ATXN1: variants seen among roughly 807,000 people sequenced by gnomAD.
ATXN1 encodes ataxin 1.
ATXN1 carries 8 observed loss-of-function variants against 56.4 expected under a neutral mutation model. The observed-to-expected ratio is 0.14, with a 90% CI of 0.08 to 0.26. ATXN1 has a LOEUF of 0.26. Among genes scored for constraint, ATXN1 ranks in the 10% least tolerant of loss-of-function variants. The pLI is 1.00. For missense variants in ATXN1, 987 were observed against 1,106.5 expected (o/e 0.89, Z 1.53); for synonymous variants, 514 against 494.6 (o/e 1.04, Z -0.52).
chr6:16,346,306 G>A (rs886738933), intron 6 of ATXN1, among the ~76,000 whole-genome samples: 1 of 152,034 alleles, frequency 6.6e-6, no homozygotes, highest in Non-Finnish European at 1.5e-5. Context: ...CGCCCATCTC[G>A]GCCTCCCAAA....
rs967761921 is a variant in ATXN1 at position 16,572,545 on chromosome 6, T to TA, written c.-361+13234dup. 1.1e-4 allele frequency among the ~76,000 whole-genome samples: 16 copies of TA among 152,072 alleles called. 1 individual carries two copies. In the South Asian group the frequency reaches 1.2e-3, roughly 12 times the overall value. ...GGAGGTTTTCAGCTTGTCATAGAGA[T>TA]AAAAAAATATGGTTATTCTTGAGTA... is the stretch of plus-strand genomic sequence containing the variant. On this transcript the variant is annotated intron_variant, in intron 4 of 7. Transcript: ENST00000436367.
At chr6:16,675,664 T>A (rs1297382388) in intron 2 of ATXN1, among the ~76,000 whole-genome samples, 2 of 152,084 alleles carry the variant, frequency 1.3e-5, no homozygotes, top group Non-Finnish European at 2.9e-5. Flanking sequence ...GCGGATCATT[T>A]GAGGTCAGGA....
intron 2 of ATXN1, among the ~76,000 whole-genome samples, chr6:16,745,933 CGTGTGTGTGTGTGTGTGT>C (rs60773814): frequency 3.7e-4 from 55 of 147,236 alleles, no homozygotes; most frequent in African/African-American, 1.3e-3. Context: ...CTATGCCTTC[CGTGTGTGTGTGTGTGTGT>C]GTGTGTGTGT....
At position 16,517,805 on chromosome 6, in the gene ATXN1, C is replaced by T. The variant is rs550348194; in HGVS notation, c.-299+4822G>A. 3.9e-5 allele frequency among the ~76,000 whole-genome samples: 6 copies of T among 152,288 alleles called. No individual in the cohort carries two copies. The East Asian group carries it at 1.2e-3, about 29-fold the overall frequency. On this transcript the variant is annotated intron_variant, in intron 5 of 7. Coordinates refer to ENST00000436367, the MANE Select transcript of ATXN1 (RefSeq NM_001128164.2). ...ACACATGCACACATGCCAACTACTGCCAACTGATGAGCTACATACAGAGCA... is the reference window on the plus strand; with the variant it reads ...ACACATGCACACATGCCAACTACTGTCAACTGATGAGCTACATACAGAGCA...
At chr6:16,401,982 T>C (rs1206558898) in intron 6 of ATXN1, among the ~76,000 whole-genome samples, 1 of 152,128 alleles carries the variant, frequency 6.6e-6, no homozygotes, top group East Asian at 1.9e-4. Context: ...ACATCTTACA[T>C]GGATGGTGGC....
chr6:16,621,105 A>G (rs898170032), intron 3 of ATXN1, among the ~76,000 whole-genome samples: 6 of 152,198 alleles, frequency 3.9e-5, no homozygotes, highest in African/African-American at 1.4e-4. Flanking sequence ...GTAGAAAGAG[A>G]CAAATGAGCG....
intron 3 of ATXN1, among the ~76,000 whole-genome samples, chr6:16,619,327 T>A (rs933018746): frequency 1.3e-5 from 2 of 152,174 alleles, no homozygotes; most frequent in Non-Finnish European, 2.9e-5. Context: ...AAAAAAGATA[T>A]ATATGTTCAA....
intron 2 of ATXN1, among the ~76,000 whole-genome samples, chr6:16,699,193 A>C (rs1160448901): frequency 6.6e-6 from 1 of 152,204 alleles, no homozygotes; most frequent in Non-Finnish European, 1.5e-5. Context: ...ACTCACTATT[A>C]AACTGCATTT....
chr6:16,338,903 T>A (rs1046530519), intron 6 of ATXN1, among the ~76,000 whole-genome samples: 3 of 152,138 alleles, frequency 2.0e-5, no homozygotes, highest in Non-Finnish European at 2.9e-5. Context: ...TGCAGACCCC[T>A]ATGCACACCA....
intron 4 of ATXN1, among the ~76,000 whole-genome samples, chr6:16,559,529 C>A (rs1762076999): frequency 6.6e-6 from 1 of 152,274 alleles, no homozygotes; most frequent in Non-Finnish European, 1.5e-5. Flanking sequence ...AGGTAAAGGG[C>A]AGAATAGTGT....
chr6:16,744,878 C>A (rs142248338), intron 2 of ATXN1, among the ~76,000 whole-genome samples: 1 of 152,160 alleles, frequency 6.6e-6, no homozygotes, highest in African/African-American at 2.4e-5. Context: ...CAACAAAAAG[C>A]ATCATCACTG....
At chr6:16,701,709 A>C (rs1188650339) in intron 2 of ATXN1, among the ~76,000 whole-genome samples, 2 of 152,218 alleles carry the variant, frequency 1.3e-5, no homozygotes, top group African/African-American at 4.8e-5. Flanking sequence ...CAGAGAGCCA[A>C]ATCATGAGTG....
intron 2 of ATXN1, among the ~76,000 whole-genome samples, chr6:16,675,961 G>T (rs1758653352): frequency 6.6e-6 from 1 of 152,068 alleles, no homozygotes; most frequent in Admixed American, 6.6e-5. Flanking sequence ...AGCGGACAGG[G>T]TTATGGGGAA....
At chr6:16,532,468 C>T (rs891121270) in intron 4 of ATXN1, among the ~76,000 whole-genome samples, 2 of 152,126 alleles carry the variant, frequency 1.3e-5, no homozygotes, top group Non-Finnish European at 2.9e-5. Context: ...GCTAAATAGC[C>T]TCTTGAAGTA....
At chr6:16,732,709 T>G (rs1325893357) in intron 2 of ATXN1, among the ~76,000 whole-genome samples, 1 of 152,224 alleles carries the variant, frequency 6.6e-6, no homozygotes, top group East Asian at 1.9e-4. Context: ...TTGAAAAATA[T>G]TAAGCAACCA....
chr6:16,642,192 C>T (rs1763717948), intron 3 of ATXN1, among the ~76,000 whole-genome samples: 1 of 152,112 alleles, frequency 6.6e-6, no homozygotes, highest in Non-Finnish European at 1.5e-5. Context: ...TAGAGGCCAT[C>T]CTGGCTAACA....
chr6:16,641,217 TTAAC>T (rs1363364974), intron 3 of ATXN1, among the ~76,000 whole-genome samples: 1 of 152,148 alleles, frequency 6.6e-6, no homozygotes, highest in East Asian at 1.9e-4. Context: ...TCCAGAAAAT[TTAAC>T]TAAGATCATT....
intron 5 of ATXN1, among the ~76,000 whole-genome samples, chr6:16,521,021 C>G (rs1761278173): frequency 6.6e-6 from 1 of 152,182 alleles, no homozygotes; most frequent in Admixed American, 6.5e-5. Flanking sequence ...TAATACTACC[C>G]TTTGACCACT....
chr6:16,593,688 G>A (rs1402812249), intron 3 of ATXN1, among the ~76,000 whole-genome samples: 1 of 151,726 alleles, frequency 6.6e-6, no homozygotes, highest in African/African-American at 2.4e-5. Context: ...CTATCATACT[G>A]TATATAGTCT....
Sources: allele counts gnomAD v4.1 joint callset (sites outside exome capture counted in the v4.1 genomes callset), GRCh38; gene constraint gnomAD v4.1.1; transcripts MANE v1.5; gene names NCBI Gene and HGNC (gene_info 2026-07-23, HGNC 2026-07-21).